CEP72: variants seen among roughly 807,000 people sequenced by gnomAD.
The protein encoded by CEP72 is centrosomal protein of 72 kDa.
A neutral mutation model predicts 65.7 loss-of-function variants in CEP72; 78 were observed. The ratio of observed to expected loss-of-function variants is 1.19; its 90% CI spans 0.99 to 1.43. The LOEUF is 1.43. Ranked by LOEUF, CEP72 falls within the 40% of genes most tolerant of loss-of-function variation. CEP72 has a pLI of 0.00. For synonymous variants in CEP72, 358 were observed against 351.7 expected (o/e 1.02, Z -0.20); for missense variants, 914 against 832.9 (o/e 1.10, Z -1.20).
chr5:674,226 AC>A, the CEP72 span, among the ~76,000 whole-genome samples: 1 of 152,154 alleles, frequency 6.6e-6, no homozygotes, highest in Non-Finnish European at 1.5e-5. Flanking sequence ...CACAGAGGGC[AC>A]CCAGGGACTC....
intron 3 of CEP72, among the ~76,000 whole-genome samples, chr5:665,778 A>G (rs1318586479): frequency 7.3e-6 from 1 of 137,678 alleles, no homozygotes; most frequent in Non-Finnish European, 1.6e-5. Flanking sequence ...TGCCCCATTC[A>G]TGCCCCTTCT....
At chr5:665,919 G>GGCCCCCCCCCCCCCCCCC in intron 3 of CEP72, 2 of 344,042 alleles carry the variant, frequency 5.8e-6, no homozygotes, top group Non-Finnish European at 7.9e-6. Context: ...CACCTTCCAG[G>GGCCCCCCCCCCCCCCCCC]CCCCGCCCCC....
In CEP72 at chr5:653,372, A is replaced by G. The variant is rs1195242888; in HGVS notation, c.*219A>G. On this transcript the variant is annotated 3_prime_UTR_variant, in exon 12 of 12. Coordinates refer to ENST00000264935, the MANE Select transcript of CEP72 (RefSeq NM_018140.4). ...CCAAGCCCTCTGCATGTTTTCAGAC[A>G]GAACACATTGACATATTTTGAGACA... 2 of 435,220 alleles carry G rather than the reference A, an allele frequency of 4.6e-6. No homozygotes were observed. Among genetic ancestry groups the G allele is most frequent in the African/African-American group, 4.0e-5 (2 of 49,824 alleles). 27.0% of individuals were successfully genotyped at this position (435,220 alleles called of 1,614,324 possible). A position where few individuals can be genotyped will look rare whatever the true frequency, so the allele number is the denominator to read the frequency against.
intron 11 of CEP72, among the ~76,000 whole-genome samples, chr5:648,546 G>A (rs1213582170): frequency 7.2e-6 from 1 of 139,476 alleles, no homozygotes; most frequent in Non-Finnish European, 1.6e-5. Flanking sequence ...GTGACTGTGA[G>A]GTGTGACTGT....
chr5:625,672 A>C (rs1419782532), intron 4 of CEP72, among the ~76,000 whole-genome samples: 1 of 152,170 alleles, frequency 6.6e-6, no homozygotes, highest in Admixed American at 6.5e-5. Flanking sequence ...AAACCAGACT[A>C]CTTGCTGCGT....
At chr5:672,323 C>T in the CEP72 span, among the ~76,000 whole-genome samples, 4 of 152,216 alleles carry the variant, frequency 2.6e-5, no homozygotes, top group Non-Finnish European at 4.4e-5. Flanking sequence ...TTCTAACCAG[C>T]GTCCAGGTAT....
At chr5:639,650 G>T (rs977861278) in intron 8 of CEP72, among the ~76,000 whole-genome samples, 1 of 152,210 alleles carries the variant, frequency 6.6e-6, no homozygotes, top group African/African-American at 2.4e-5. Context: ...CAGGAGGGTG[G>T]TCCCTCCCCA....
chr5:616,293 T>C (rs753677301), intron 1 of CEP72, among the ~76,000 whole-genome samples: 90 of 152,232 alleles, frequency 5.9e-4, no homozygotes, highest in Non-Finnish European at 1.1e-3. Context: ...TTTTTGTTAT[T>C]GTATTTTTCT....
At chr5:674,433 G>A in the CEP72 span, among the ~76,000 whole-genome samples, 11 of 150,838 alleles carry the variant, frequency 7.3e-5, no homozygotes, top group Non-Finnish European at 1.3e-4. Flanking sequence ...GCCACACTGC[G>A]AACCCCACCT....
chr5:637,161 G>T (rs973263725), intron 6 of CEP72, among the ~76,000 whole-genome samples: 6 of 152,230 alleles, frequency 3.9e-5, no homozygotes, highest in Non-Finnish European at 8.8e-5. Flanking sequence ...CGTGTGCTTA[G>T]ACGTTGTTTG....
chr5:657,359 C>T (rs760336992), downstream of CEP72, among the ~76,000 whole-genome samples: 13 of 152,166 alleles, frequency 8.5e-5, no homozygotes, highest in Admixed American at 2.6e-4. Flanking sequence ...TCTCTCTTCA[C>T]GGGTGACAGC....
At chr5:636,809 C>CAAAAAAAA (rs76828125) in intron 6 of CEP72, among the ~76,000 whole-genome samples, 1 of 54,452 alleles carries the variant, frequency 1.8e-5, no homozygotes, top group Non-Finnish European at 4.0e-5. Context: ...GACTCCAACT[C>CAAAAAAAA]AAAAAAAAAA....
At chr5:633,717 C>A in intron 4 of CEP72, 52 bp from the exon 5 acceptor site, 1 of 1,558,734 alleles carries the variant, frequency 6.4e-7, no homozygotes, top group Non-Finnish European at 8.8e-7. Flanking sequence ...CTGCGTGGGC[C>A]GGAGCATATG....
Position 623,657 on chromosome 5 carries a change from C to T in CEP72, c.404-814C>T, listed in dbSNP as rs1736545233. On this transcript the variant is annotated intron_variant, in intron 3 of 11. Transcript: ENST00000264935. This position sits in a 1 kb window ranked among gnomAD's most constrained non-coding sequence, Gnocchi z 5.3. ...GGTGAAGGCCGGGGTGGAAAGGTTGCGGGAGGGTGGGATTGGGTGCAGGTC... is the reference window on the plus strand; with the variant it reads ...GGTGAAGGCCGGGGTGGAAAGGTTGTGGGAGGGTGGGATTGGGTGCAGGTC... Among the ~76,000 whole-genome samples, 3 of 144,872 alleles carry T rather than the reference C, an allele frequency of 2.1e-5. No individual in the cohort carries two copies. The highest frequency in any genetic ancestry group is 4.5e-5 in the Non-Finnish European group (3 of 66,206).
Position 628,462 on chromosome 5 carries a change from AGCTTCTGGAGAACTCAGGTTGCC to A in CEP72, c.512+3885_512+3907del, listed in dbSNP as rs1420662382. Among the ~76,000 whole-genome samples the A allele has an allele frequency of 1.5e-4, 22 of 148,996 alleles. 1 individual carries two copies. Among genetic ancestry groups the A allele is most frequent in the African/African-American group, 4.7e-4 (19 of 40,458 alleles). Reference sequence around the variant, plus strand: ...CAGGACCCAGCGCCCTTCTTTGTGCAGCTTCTGGAGAACTCAGGTTGCCGTCCCTGGGGAGTGTTCCCAGGACC... The same window carrying A: ...CAGGACCCAGCGCCCTTCTTTGTGCAGTCCCTGGGGAGTGTTCCCAGGACC... On this transcript the variant is annotated intron_variant, in intron 4 of 11. Transcript: ENST00000264935.
At chr5:658,552 C>T (rs1488507412), downstream of CEP72, among the ~76,000 whole-genome samples, 2 of 151,516 alleles carry the variant, frequency 1.3e-5, no homozygotes, top group African/African-American at 4.9e-5. Flanking sequence ...CTATCATTAG[C>T]CATGCTGAAA....
intron 5 of CEP72, 21 bp downstream of exon 5, chr5:633,968 G>A (rs1335266524): frequency 6.2e-7 from 1 of 1,606,776 alleles, no homozygotes; most frequent in Non-Finnish European, 8.5e-7. Context: ...CATCTGCCAG[G>A]AGGCCAGTGG....
intron 2 of CEP72, chr5:664,851 A>G (rs1443995425): frequency 9.7e-6 from 5 of 516,786 alleles, no homozygotes; most frequent in Middle Eastern, 1.0e-3. Flanking sequence ...CACTTTGGAA[A>G]TGGCTGAGGA....
rs1290331082 is a variant in CEP72 at position 624,600 on chromosome 5, G to A, written c.512+21G>A. 7.9e-6 allele frequency: 12 copies of A among 1,512,788 alleles called. No homozygotes were observed. Among genetic ancestry groups the A allele is most frequent in the Non-Finnish European group, 1.1e-5 (12 of 1,087,598 alleles). 93.7% of individuals were successfully genotyped at this position (1,512,788 alleles called of 1,614,324 possible). ...GGCAGGTATGAACGGAAGTGCTACG[G>A]ACACCCAGAGTGTTTCTGACTGGCC... On this transcript the variant is annotated intron_variant, in intron 4 of 11. Coordinates refer to ENST00000264935, the MANE Select transcript of CEP72 (RefSeq NM_018140.4). This position sits in a 1 kb window ranked among gnomAD's most constrained non-coding sequence, Gnocchi z 4.7.
Sources: allele counts gnomAD v4.1 joint callset (sites outside exome capture counted in the v4.1 genomes callset), GRCh38; gene constraint gnomAD v4.1.1; non-coding constraint Gnocchi (gnomAD v3.1); transcripts MANE v1.5; gene names NCBI Gene and HGNC (gene_info 2026-07-23, HGNC 2026-07-21).